ACVR1: variants seen among roughly 807,000 people sequenced by gnomAD.
The protein encoded by ACVR1 is activin receptor type-1.
ACVR1 carries 38 observed loss-of-function variants against 57.1 expected under a neutral mutation model. That is an observed-to-expected ratio of 0.67 (90% CI 0.51 to 0.87). ACVR1 has a LOEUF of 0.87. ACVR1 is among the 40% of genes least tolerant of loss of function. The pLI, the probability that ACVR1 is intolerant of heterozygous loss-of-function variation, is 0.00. For missense variants in ACVR1, 463 were observed against 638.2 expected, an observed-to-expected ratio of 0.73 and a Z score of 2.96; for synonymous variants, 212 against 228.1, an observed-to-expected ratio of 0.93 and a Z score of 0.63.
intron 9 of ACVR1, among the ~76,000 whole-genome samples, chr2:157,757,090 C>G (rs1297183153): frequency 6.8e-6 from 1 of 146,776 alleles, no homozygotes; most frequent in Non-Finnish European, 1.5e-5. Context: ...TAATGGCATT[C>G]ACAGCAACCT....
chr2:157,786,988 A>G (rs755999884), intron 3 of ACVR1, among the ~76,000 whole-genome samples: 4 of 152,134 alleles, frequency 2.6e-5, no homozygotes, highest in Admixed American at 6.5e-5. Context: ...GCTGAAGGTG[A>G]TAAGGATTCC....
chr2:157,852,057 T>C (rs1181565664), intron 1 of ACVR1, among the ~76,000 whole-genome samples: 3 of 152,024 alleles, frequency 2.0e-5, no homozygotes, highest in Non-Finnish European at 4.4e-5. Flanking sequence ...TTTTTTAAAA[T>C]GCTTCCTCAG....
chr2:157,837,205 C>T (rs1688812960), intron 1 of ACVR1, among the ~76,000 whole-genome samples: 3 of 152,164 alleles, frequency 2.0e-5, no homozygotes, highest in Non-Finnish European at 4.4e-5. Flanking sequence ...AGAGGCAGAG[C>T]TAGGTAATCA....
At chr2:157,864,963 A>C (rs1052377445) in intron 1 of ACVR1, among the ~76,000 whole-genome samples, 1 of 151,984 alleles carries the variant, frequency 6.6e-6, no homozygotes, top group African/African-American at 2.4e-5. Flanking sequence ...TTTTTTTAAA[A>C]AGGTGATCAG....
At chr2:157,756,284 A>G (rs1345232483) in intron 9 of ACVR1, among the ~76,000 whole-genome samples, 1 of 152,158 alleles carries the variant, frequency 6.6e-6, no homozygotes, top group Non-Finnish European at 1.5e-5. Context: ...ACCCAGAAGC[A>G]AAAGCAATAA....
In ACVR1 at chr2:157,760,928, C is replaced by T. The variant is rs1559041542; in HGVS notation, c.1216G>A (p.Ala406Thr). 1 of 1,614,134 alleles carries T rather than the reference C, an allele frequency of 6.2e-7. No individual in the cohort carries two copies. Among genetic ancestry groups the T allele is most frequent in the Non-Finnish European group, 8.5e-7 (1 of 1,180,000 alleles). The change falls in exon 9 of 11, where the codon GCC (alanine) becomes ACC (threonine). Residue 406 changes from alanine (A) to threonine (T), a missense_variant. Ala to Thr is a moderately conservative substitution (Grantham distance 58, BLOSUM62 0). Around this residue, in one of 3 missense-constraint regions of ACVR1, gnomAD observed 146 missense variants for 186.6 expected, o/e 0.78. Coordinates refer to ENST00000434821, the MANE Select transcript of ACVR1 (RefSeq NM_001111067.4). The part of the protein sequence containing the change: ...FDSYKRVDIW[A>T]FGLVLWEVAR... ...ACTTCCCACAAAACAAGTCCAAAGG[C>T]CCAAATATCGACCCTTTTATAAGAA...
chr2:157,780,270 A>G, intron 4 of ACVR1, 67 bp downstream of exon 4: 1 of 1,608,376 alleles, frequency 6.2e-7, no homozygotes, highest in Non-Finnish European at 8.5e-7. Flanking sequence ...TAGATCTTTA[A>G]CCCACACGGA....
At chr2:157,840,523 A>C (rs1264919963) in intron 1 of ACVR1, among the ~76,000 whole-genome samples, 6 of 144,424 alleles carry the variant, frequency 4.2e-5, no homozygotes, top group Non-Finnish European at 3.1e-5. Flanking sequence ...TAAAAGTGCA[A>C]AGTGTCACCT....
chr2:157,746,196 G>A (rs75009356), intron 9 of ACVR1, among the ~76,000 whole-genome samples: 3,904 of 152,212 alleles, frequency 0.026, 177 homozygotes, highest in African/African-American at 0.089. Flanking sequence ...GCAAGCTCCT[G>A]GGTGGCCTTC....
chr2:157,738,354 C>G (rs1245509961), intron 10 of ACVR1, 86 bp downstream of exon 10: 2 of 1,584,290 alleles, frequency 1.3e-6, no homozygotes, highest in Non-Finnish European at 1.7e-6. Context: ...ACAGATCACT[C>G]AGATGCAATA....
chr2:157,798,116 C>A (rs983573404), intron 3 of ACVR1, among the ~76,000 whole-genome samples: 5 of 152,148 alleles, frequency 3.3e-5, no homozygotes, highest in African/African-American at 1.2e-4. Context: ...CGTTGCACTA[C>A]AAGTATCAAC....
chr2:157,803,485 T>C (rs1029934946), intron 2 of ACVR1, among the ~76,000 whole-genome samples: 6 of 152,174 alleles, frequency 3.9e-5, no homozygotes, highest in Admixed American at 2.0e-4. Context: ...GAAAGGGGAA[T>C]GTTCTGGTAT....
chr2:157,842,353 C>A (rs1405069146), intron 1 of ACVR1, among the ~76,000 whole-genome samples: 1 of 152,192 alleles, frequency 6.6e-6, no homozygotes, highest in Non-Finnish European at 1.5e-5. Flanking sequence ...GCGTTCTGAA[C>A]TGCAGCAAGT....
intron 8 of ACVR1, among the ~76,000 whole-genome samples, chr2:157,765,379 G>A (rs1685822833): frequency 6.6e-6 from 1 of 152,192 alleles, no homozygotes; most frequent in South Asian, 2.1e-4. Context: ...TTTATGTGAA[G>A]GTTAGTGAAA....
At chr2:157,863,663 C>T (rs1689814640) in intron 1 of ACVR1, among the ~76,000 whole-genome samples, 1 of 151,282 alleles carries the variant, frequency 6.6e-6, no homozygotes, top group African/African-American at 2.4e-5. Context: ...CGCCACTGCA[C>T]TTCCAGCCTG....
At chr2:157,829,531 G>C (rs1688508919) in intron 1 of ACVR1, among the ~76,000 whole-genome samples, 1 of 149,350 alleles carries the variant, frequency 6.7e-6, no homozygotes, top group African/African-American at 2.5e-5. Context: ...TAGATTTCTT[G>C]ATTTTCATGA....
chr2:157,781,553 A>C, intron 3 of ACVR1, among the ~76,000 whole-genome samples: 1 of 152,224 alleles, frequency 6.6e-6, no homozygotes. Context: ...AATATGGAGA[A>C]TGAGGGCACA....
intron 3 of ACVR1, among the ~76,000 whole-genome samples, chr2:157,796,698 G>T (rs1470458460): frequency 6.7e-6 from 1 of 148,934 alleles, no homozygotes; most frequent in African/African-American, 2.5e-5. Flanking sequence ...ATTTAAAAGA[G>T]GTAAAAAAAA....
chr2:157,841,853 C>T (rs563770484), intron 1 of ACVR1, among the ~76,000 whole-genome samples: 1 of 151,944 alleles, frequency 6.6e-6, no homozygotes, highest in Non-Finnish European at 1.5e-5. Context: ...GAAACCCCAT[C>T]TGTATGAAAA....
Sources: allele counts gnomAD v4.1 joint callset (sites outside exome capture counted in the v4.1 genomes callset), GRCh38; gene constraint gnomAD v4.1.1; regional missense constraint gnomAD v4.1.1; transcripts MANE v1.5; gene names NCBI Gene and HGNC (gene_info 2026-07-23, HGNC 2026-07-21).